The following GRAMD1B variants were observed in gnomAD, a reference collection of about 807,000 sequenced individuals.
GRAMD1B encodes protein Aster-B.
A neutral mutation model predicts 99.7 loss-of-function variants in GRAMD1B; 37 were observed. That is an observed-to-expected ratio of 0.37 (90% CI 0.29 to 0.49). GRAMD1B has a LOEUF of 0.49. Ranked by LOEUF, GRAMD1B falls within the 20% of genes least tolerant of loss-of-function variation. The pLI is 0.98. For synonymous variants in GRAMD1B, 427 were observed against 387.6 expected (o/e 1.10, Z -1.19); for missense variants, 888 against 1,009.2 (o/e 0.88, Z 1.63).
chr11:123,415,501 C>G (rs961217004), intron 1 of GRAMD1B, among the ~76,000 whole-genome samples: 1 of 151,060 alleles, frequency 6.6e-6, no homozygotes, highest in African/African-American at 2.4e-5. Context: ...ACAGCAGAGC[C>G]AGGGGGTGCT....
chr11:123,496,978 G>A (rs2714081), intron 2 of GRAMD1B, among the ~76,000 whole-genome samples: 26,626 of 151,902 alleles, frequency 0.18, 2,650 homozygotes, highest in African/African-American at 0.25. Context: ...TTTGTTTGAC[G>A]AGGTCATGTT....
At chr11:123,384,448 T>C (rs946559301) in intron 1 of GRAMD1B, among the ~76,000 whole-genome samples, 6 of 152,212 alleles carry the variant, frequency 3.9e-5, no homozygotes, top group African/African-American at 7.2e-5. Context: ...TCAGTGTTCC[T>C]GCCCAGGTAA....
chr11:123,577,095 G>T (rs141592445), intron 2 of GRAMD1B, among the ~76,000 whole-genome samples: 5 of 152,336 alleles, frequency 3.3e-5, no homozygotes, highest in African/African-American at 1.2e-4. Flanking sequence ...CAGGTTGGAC[G>T]GACGGATGGA....
chr11:123,569,866 G>GAT (rs1947865556), intron 2 of GRAMD1B, among the ~76,000 whole-genome samples: 1 of 152,232 alleles, frequency 6.6e-6, no homozygotes, highest in Non-Finnish European at 1.5e-5. Flanking sequence ...AGGTGCTTGT[G>GAT]ATATGGCTGT....
chr11:123,575,891 A>AT (rs1459953661), intron 2 of GRAMD1B, among the ~76,000 whole-genome samples: 7 of 152,146 alleles, frequency 4.6e-5, no homozygotes, highest in African/African-American at 1.2e-4. Flanking sequence ...TAGAAATGAG[A>AT]TTTTAAATGC....
intron 14 of GRAMD1B, among the ~76,000 whole-genome samples, chr11:123,611,224 C>A (rs773445008): frequency 1.3e-5 from 2 of 152,026 alleles, no homozygotes; most frequent in African/African-American, 4.8e-5. Context: ...TTGCTTGAGC[C>A]CAGGAGTTCA....
In GRAMD1B at chr11:123,452,453, C is replaced by T. The variant is rs573672577; in HGVS notation, c.374+21287C>T. Among the ~76,000 whole-genome samples, 5 of 152,250 alleles carry T rather than the reference C, an allele frequency of 3.3e-5. No individual in the cohort carries two copies. The East Asian group carries it at 9.7e-4, about 30-fold the overall frequency. ...CTGAGGTCAGGAGTTCGAGACCAGCCTGGCCAACATGGTGAAACCCTGTCT... is the reference window on the plus strand; with the variant it reads ...CTGAGGTCAGGAGTTCGAGACCAGCTTGGCCAACATGGTGAAACCCTGTCT... On this transcript the variant is annotated intron_variant, in intron 1 of 19. Transcript: ENST00000635736.
chr11:123,578,147 AG>A (rs541676583), intron 3 of GRAMD1B, among the ~76,000 whole-genome samples: 1 of 151,998 alleles, frequency 6.6e-6, no homozygotes, highest in Admixed American at 6.5e-5. Flanking sequence ...AATAGGCCCC[AG>A]GGGGGCCTGG....
chr11:123,526,003 C>G (rs1942683902), intron 2 of GRAMD1B: 1 of 676,424 alleles, frequency 1.5e-6, no homozygotes, highest in Non-Finnish European at 2.7e-6. Context: ...TTCTCCCTTT[C>G]TCTCTTTCTC....
chr11:123,484,666 C>A (rs1040378321), intron 2 of GRAMD1B, among the ~76,000 whole-genome samples: 1 of 151,966 alleles, frequency 6.6e-6, no homozygotes, highest in Non-Finnish European at 1.5e-5. Flanking sequence ...TGTGACCGGC[C>A]CCCCCTCCAA....
intron 1 of GRAMD1B, among the ~76,000 whole-genome samples, chr11:123,388,033 G>A (rs1182840943): frequency 6.6e-6 from 1 of 150,968 alleles, no homozygotes; most frequent in Non-Finnish European, 1.5e-5. Flanking sequence ...GGCTGAGGCA[G>A]GAGAATCGCT....
intron 2 of GRAMD1B, among the ~76,000 whole-genome samples, chr11:123,540,237 G>A (rs955354267): frequency 2.7e-5 from 4 of 145,726 alleles, no homozygotes; most frequent in African/African-American, 1.1e-4. Context: ...AGGTTTTTTG[G>A]TTGTTTTTTT....
intron 2 of GRAMD1B, among the ~76,000 whole-genome samples, chr11:123,522,605 C>T (rs1942298523): frequency 1.3e-5 from 2 of 152,260 alleles, no homozygotes; most frequent in South Asian, 4.2e-4. Context: ...AGGTGTGAGC[C>T]ACCATGCCCA....
intron 1 of GRAMD1B, among the ~76,000 whole-genome samples, chr11:123,404,178 A>G (rs1274268041): frequency 6.6e-6 from 1 of 152,142 alleles, no homozygotes; most frequent in Non-Finnish European, 1.5e-5. Context: ...ACACAATGTT[A>G]TATTCTCTCA....
chr11:123,390,872 T>C (rs113828254), intron 1 of GRAMD1B, among the ~76,000 whole-genome samples: 6 of 152,198 alleles, frequency 3.9e-5, no homozygotes, highest in African/African-American at 1.2e-4. Context: ...CTTGATTCCA[T>C]GGCACTTTAC....
At chr11:123,563,716 T>C (rs1187250372) in intron 2 of GRAMD1B, among the ~76,000 whole-genome samples, 1 of 152,152 alleles carries the variant, frequency 6.6e-6, no homozygotes, top group Non-Finnish European at 1.5e-5. Flanking sequence ...AAAAGTATAG[T>C]AGAGACCAAC....
chr11:123,439,184 C>CT (rs1449965591), intron 1 of GRAMD1B, among the ~76,000 whole-genome samples: 5 of 152,288 alleles, frequency 3.3e-5, no homozygotes, highest in Non-Finnish European at 5.9e-5. Flanking sequence ...AGGAAGTGTC[C>CT]TCTCAGAGGA....
intron 1 of GRAMD1B, among the ~76,000 whole-genome samples, chr11:123,450,417 A>C (rs1290970317): frequency 6.6e-6 from 1 of 152,158 alleles, no homozygotes; most frequent in Non-Finnish European, 1.5e-5. Context: ...CATACACTAC[A>C]TGCCAGATAC....
At chr11:123,477,954 G>T (rs542063720) in intron 1 of GRAMD1B, among the ~76,000 whole-genome samples, 5 of 151,160 alleles carry the variant, frequency 3.3e-5, no homozygotes, top group African/African-American at 4.9e-5. Flanking sequence ...TTTTTTATTT[G>T]TTATTTTTTA....
Sources: gnomAD v4.1 joint callset for allele counts (sites outside exome capture counted in the v4.1 genomes callset) on GRCh38, gnomAD v4.1.1 for gene constraint, MANE v1.5 for transcripts, NCBI Gene and HGNC (gene_info 2026-07-23, HGNC 2026-07-21) for gene names.